The following RGS7 variants were observed in gnomAD, a reference collection of about 807,000 sequenced individuals.
RGS7 encodes regulator of G protein signaling 7, also known as regulator of G-protein signaling 7.
Under a neutral mutation model 81.1 loss-of-function variants are expected in RGS7, and 27 were observed. The observed-to-expected ratio is 0.33, with a 90% CI of 0.25 to 0.46. The LOEUF is 0.46. Ranked by LOEUF, RGS7 falls within the 20% of genes least tolerant of loss-of-function variation. RGS7 has a pLI of 1.00. For missense variants in RGS7, 396 were observed against 607.4 expected, an observed-to-expected ratio of 0.65 and a Z score of 3.66; for synonymous variants, 208 against 207.7, an observed-to-expected ratio of 1.00 and a Z score of -0.01.
Position 240,801,573 on chromosome 1 carries a change from C to A in RGS7, c.1360-65G>T. ...GGAAGATTAAAAAAAAGAAAGAAAG[C>A]AAGGAAAACAGAGCAGAAAAAGACA... On this transcript the variant is annotated intron_variant, in intron 16 of 18. Transcript: ENST00000440928. 15 of 1,117,544 alleles carry A rather than the reference C, an allele frequency of 1.3e-5. No individual in the cohort carries two copies. In the South Asian group the frequency reaches 1.9e-4, roughly 14 times the overall value. 69.2% of individuals were successfully genotyped at this position (1,117,544 alleles called of 1,614,324 possible). A position where few individuals can be genotyped will look rare whatever the true frequency, so the allele number is the denominator to read the frequency against.
intron 2 of RGS7, among the ~76,000 whole-genome samples, chr1:241,221,353 T>C (rs974606686): frequency 2.0e-5 from 3 of 152,214 alleles, no homozygotes; most frequent in Admixed American, 6.5e-5. Flanking sequence ...AGATGTGGCA[T>C]AGACTGGCGA....
chr1:240,831,974 C>T (rs935904519), intron 9 of RGS7, among the ~76,000 whole-genome samples: 2 of 152,110 alleles, frequency 1.3e-5, no homozygotes, highest in Non-Finnish European at 2.9e-5. Context: ...TCTGTTGGTT[C>T]TCCTCAACAT....
At chr1:241,242,966 C>A (rs2076336065) in intron 2 of RGS7, among the ~76,000 whole-genome samples, 1 of 151,586 alleles carries the variant, frequency 6.6e-6, no homozygotes, top group South Asian at 2.1e-4. Flanking sequence ...TTCTGCTGGG[C>A]AGATTTTTTT....
At chr1:241,112,996 G>C (rs754966679) in intron 2 of RGS7, among the ~76,000 whole-genome samples, 14 of 152,176 alleles carry the variant, frequency 9.2e-5, no homozygotes, top group Non-Finnish European at 1.6e-4. Context: ...ACAGGACCTA[G>C]TTTCAACTAC....
chr1:241,291,951 T>A (rs1485348501), intron 2 of RGS7, among the ~76,000 whole-genome samples: 1 of 152,172 alleles, frequency 6.6e-6, no homozygotes, highest in African/African-American at 2.4e-5. Context: ...AGAAACTGTG[T>A]CATGGCCTCT....
intron 3 of RGS7, among the ~76,000 whole-genome samples, chr1:241,017,268 C>T (rs1240691925): frequency 1.3e-5 from 2 of 151,856 alleles, no homozygotes; most frequent in African/African-American, 4.8e-5. Context: ...ACGGTGAAAC[C>T]CCGTCTCTAC....
At chr1:241,235,682 TTC>T (rs1008735748) in intron 2 of RGS7, among the ~76,000 whole-genome samples, 5 of 28,180 alleles carry the variant, frequency 1.8e-4, no homozygotes, top group African/African-American at 4.4e-4. Flanking sequence ...CTCTCTTTCT[TTC>T]TCTCTCTCTT....
intron 6 of RGS7, among the ~76,000 whole-genome samples, chr1:240,919,375 A>G (rs1209087282): frequency 6.6e-6 from 1 of 152,208 alleles, no homozygotes; most frequent in African/African-American, 2.4e-5. Flanking sequence ...AATATTATAC[A>G]TCATGACCAG....
rs115730244 is a variant in RGS7, at chr1:240,864,038, C to T, written c.609+4549G>A. Among the ~76,000 whole-genome samples, 97 of 152,240 alleles carry T rather than the reference C, an allele frequency of 6.4e-4. 1 individual carries two copies. The highest frequency in any genetic ancestry group is 3.4e-3 in the Middle Eastern group (1 of 294). ...CCACCGCTAGCTCTGAACCTGAGTACGTCCTATAAACAACATGAGCATCTG... is the reference window on the plus strand; with the variant it reads ...CCACCGCTAGCTCTGAACCTGAGTATGTCCTATAAACAACATGAGCATCTG... On this transcript the variant is annotated intron_variant, in intron 9 of 18. Coordinates refer to ENST00000440928, the MANE Select transcript of RGS7 (RefSeq NM_001364886.1).
At chr1:241,091,594 T>TAAATA (rs769662958) in intron 3 of RGS7, among the ~76,000 whole-genome samples, 25 of 135,480 alleles carry the variant, frequency 1.8e-4, no homozygotes, top group Admixed American at 4.3e-4. Flanking sequence ...AATAAATAAA[T>TAAATA]AAAAAAGCTG....
chr1:241,140,707 A>C (rs1311459427), intron 2 of RGS7, among the ~76,000 whole-genome samples: 1 of 152,158 alleles, frequency 6.6e-6, no homozygotes, highest in Non-Finnish European at 1.5e-5. Flanking sequence ...CACTATGCCC[A>C]ATCTGGACAG....
At chr1:241,323,866 G>T (rs1025795226) in intron 2 of RGS7, among the ~76,000 whole-genome samples, 1 of 152,122 alleles carries the variant, frequency 6.6e-6, no homozygotes, top group Non-Finnish European at 1.5e-5. Context: ...TTAACCTACT[G>T]ATAGGCCCTG....
At chr1:240,982,479 T>C (rs967473733) in intron 4 of RGS7, among the ~76,000 whole-genome samples, 7 of 151,540 alleles carry the variant, frequency 4.6e-5, no homozygotes, top group African/African-American at 1.7e-4. Flanking sequence ...TGTAGGATCT[T>C]GTTCCAGGCA....
In RGS7 at chr1:240,936,668, C is replaced by T. The variant is rs773920063; in HGVS notation, c.265G>A (p.Gly89Ser). ...TGATCTGAGATTGGAAAGAAGTAGC[C>T]GTGGGCAGCCATTAATGTTCCCAAA... is the stretch of plus-strand genomic sequence containing the variant. ...LHLGTLMAAHGYFFPISDHVL... is the reference protein window; with the variant it reads ...LHLGTLMAAHSYFFPISDHVL... Residue 89 changes from glycine to serine, a missense_variant, in exon 5 of 19, where the codon GGC becomes AGC. Transcript: ENST00000440928. 1.9e-6 allele frequency: 3 copies of T among 1,614,058 alleles called. No homozygotes were observed. The highest frequency in any genetic ancestry group is 8.5e-7 in the Non-Finnish European group (1 of 1,179,960).
chr1:241,306,955 G>T (rs1172907732), intron 2 of RGS7, among the ~76,000 whole-genome samples: 2 of 152,226 alleles, frequency 1.3e-5, no homozygotes, highest in South Asian at 2.1e-4. Flanking sequence ...ACCAGGTAAT[G>T]AGATAGTTTG....
At chr1:240,849,867 T>C (rs1290863906) in intron 9 of RGS7, among the ~76,000 whole-genome samples, 2 of 152,240 alleles carry the variant, frequency 1.3e-5, no homozygotes, top group African/African-American at 4.8e-5. Flanking sequence ...TATTCCTTTA[T>C]AGCAATGCAA....
At chr1:240,957,405 T>C (rs1311905297) in intron 4 of RGS7, among the ~76,000 whole-genome samples, 1 of 152,156 alleles carries the variant, frequency 6.6e-6, no homozygotes, top group East Asian at 1.9e-4. Context: ...CACTACTGGC[T>C]TCCTTGCTCC....
At chr1:241,301,802 C>G (rs769605928) in intron 2 of RGS7, among the ~76,000 whole-genome samples, 2 of 152,274 alleles carry the variant, frequency 1.3e-5, no homozygotes, top group East Asian at 3.9e-4. Context: ...TTATGCTGAC[C>G]TTTTGAATAG....
At chr1:240,865,063 G>T (rs1335354027) in intron 9 of RGS7, among the ~76,000 whole-genome samples, 1 of 151,780 alleles carries the variant, frequency 6.6e-6, no homozygotes, top group Non-Finnish European at 1.5e-5. Flanking sequence ...AAAGTGATCT[G>T]CTAGCTGCTT....
Sources: allele counts gnomAD v4.1 joint callset (sites outside exome capture counted in the v4.1 genomes callset), GRCh38; gene constraint gnomAD v4.1.1; transcripts MANE v1.5; gene names NCBI Gene and HGNC (gene_info 2026-07-23, HGNC 2026-07-21).